Variants in STAU1 observed in about 807,000 individuals in gnomAD.
The protein encoded by STAU1 is double-stranded RNA-binding protein Staufen homolog 1.
Under a neutral mutation model 62.9 loss-of-function variants are expected in STAU1, and 13 were observed. The ratio of observed to expected loss-of-function variants is 0.21; its 90% CI spans 0.13 to 0.33. The LOEUF is 0.33. Ranked by LOEUF, STAU1 falls within the 10% of genes least tolerant of loss-of-function variation. The probability of loss-of-function intolerance (pLI) is 1.00; values close to 1 mark genes in which losing one functional copy is unlikely to be tolerated. For missense variants in STAU1, 571 were observed against 712.1 expected (o/e 0.80, Z 2.25); for synonymous variants, 269 against 265.1 (o/e 1.01, Z -0.14).
intron 1 of STAU1, among the ~76,000 whole-genome samples, chr20:49,182,719 G>T (rs2093740411): frequency 6.6e-6 from 1 of 151,830 alleles, no homozygotes; most frequent in Non-Finnish European, 1.5e-5. Context: ...GGCACCTGTA[G>T]TCCCAGCTAC....
the STAU1 span, chr20:49,219,251 C>T: frequency 6.5e-6 from 8 of 1,227,364 alleles, no homozygotes; most frequent in Non-Finnish European, 8.9e-6. Flanking sequence ...AAGCTCCGCC[C>T]CTTGATGGCG....
At chr20:49,123,750 C>T (rs1421095196) in intron 7 of STAU1, among the ~76,000 whole-genome samples, 1 of 152,050 alleles carries the variant, frequency 6.6e-6, no homozygotes, top group Non-Finnish European at 1.5e-5. Context: ...GACTTCCAGG[C>T]TATATTAAGC....
At chr20:49,177,301 C>T (rs910336441) in intron 1 of STAU1, among the ~76,000 whole-genome samples, 1 of 151,840 alleles carries the variant, frequency 6.6e-6, no homozygotes, top group Non-Finnish European at 1.5e-5. Context: ...TTTGGGAGGC[C>T]GAGGCAGGTG....
intron 1 of STAU1, among the ~76,000 whole-genome samples, chr20:49,184,789 G>GT (rs2093768106): frequency 6.6e-6 from 1 of 152,122 alleles, no homozygotes; most frequent in South Asian, 2.1e-4. Flanking sequence ...TTTAAGAGGT[G>GT]TATCTTTCCC....
At chr20:49,217,965 C>T in the STAU1 span, among the ~76,000 whole-genome samples, 1 of 151,484 alleles carries the variant, frequency 6.6e-6, no homozygotes, top group Admixed American at 6.6e-5. Context: ...CTTCCGCCTC[C>T]TGGGTTCAAG....
At chr20:49,126,400 A>G (rs190986808) in intron 6 of STAU1, among the ~76,000 whole-genome samples, 33 of 151,440 alleles carry the variant, frequency 2.2e-4, no homozygotes, top group Non-Finnish European at 3.4e-4. Context: ...TGACTCTACA[A>G]AAATAAAAAC....
intron 1 of STAU1, among the ~76,000 whole-genome samples, chr20:49,178,465 T>C (rs531675764): frequency 2.0e-5 from 3 of 151,856 alleles, no homozygotes; most frequent in Non-Finnish European, 4.4e-5. Context: ...AATACAAAAA[T>C]TAGGCCGGCG....
At chr20:49,184,903 T>C (rs2093769403) in intron 1 of STAU1, among the ~76,000 whole-genome samples, 2 of 152,204 alleles carry the variant, frequency 1.3e-5, no homozygotes, top group Admixed American at 1.3e-4. Context: ...ACCTAAAAGC[T>C]GAAAACTATT....
the STAU1 span, among the ~76,000 whole-genome samples, chr20:49,217,691 A>G: frequency 1.4e-5 from 2 of 144,524 alleles, no homozygotes; most frequent in Admixed American, 7.0e-5. Flanking sequence ...ATATATATAT[A>G]TATTTTTAGG....
At chr20:49,118,537 C>T in intron 9 of STAU1, 129 bp from the exon 10 acceptor site, 1 of 695,556 alleles carries the variant, frequency 1.4e-6, no homozygotes, top group Non-Finnish European at 2.4e-6. Context: ...AAAAACCCTG[C>T]CCCACCTGAC....
chr20:49,119,174 G>A (rs552644351), intron 9 of STAU1, among the ~76,000 whole-genome samples: 6 of 152,240 alleles, frequency 3.9e-5, no homozygotes, highest in African/African-American at 7.2e-5. Context: ...TGGCAGACAC[G>A]AATTTTTCTT....
intron 3 of STAU1, among the ~76,000 whole-genome samples, chr20:49,160,966 G>A (rs1334176107): frequency 1.3e-5 from 2 of 152,122 alleles, no homozygotes; most frequent in Admixed American, 6.6e-5. Context: ...TCAATCACAG[G>A]TGCTTGAGAA....
At chr20:49,164,847 C>A (rs2146376926) in intron 3 of STAU1, among the ~76,000 whole-genome samples, 1 of 152,240 alleles carries the variant, frequency 6.6e-6, no homozygotes, top group Admixed American at 6.5e-5. Flanking sequence ...ATTATGATTT[C>A]TAAACTACTT....
At chr20:49,205,516 C>T in the STAU1 span, among the ~76,000 whole-genome samples, 2 of 151,944 alleles carry the variant, frequency 1.3e-5, no homozygotes, top group East Asian at 3.9e-4. Flanking sequence ...CAGGCACGCA[C>T]CTCCATGCCC....
At chr20:49,132,421 C>G (rs1200284180) in intron 6 of STAU1, among the ~76,000 whole-genome samples, 1 of 152,164 alleles carries the variant, frequency 6.6e-6, no homozygotes, top group Non-Finnish European at 1.5e-5. Context: ...TGACCGTATC[C>G]ATCAGCACCA....
rs533628560 is a variant in STAU1, at chr20:49,173,896, T to C, written c.-85+299A>G. On this transcript the variant is annotated intron_variant, in intron 2 of 13. Transcript: ENST00000371856. ...AAGGGTTTTTTTAAAAAAAGCAAAC[T>C]ACAAAAGATACTATGACCAAGAAGC... Among the ~76,000 whole-genome samples, 6 of 152,266 alleles carry C rather than the reference T, an allele frequency of 3.9e-5. No individual in the cohort carries two copies. In the South Asian group the frequency reaches 1.2e-3, roughly 32 times the overall value.
chr20:49,170,214 T>C (rs1235357301), intron 2 of STAU1, among the ~76,000 whole-genome samples: 1 of 152,268 alleles, frequency 6.6e-6, no homozygotes, highest in African/African-American at 2.4e-5. Context: ...CAGACCCTTC[T>C]AGAAATGGTT....
intron 5 of STAU1, among the ~76,000 whole-genome samples, chr20:49,149,232 CAG>C (rs2093191197): frequency 7.0e-6 from 1 of 143,004 alleles, no homozygotes; most frequent in Admixed American, 7.2e-5. Flanking sequence ...GCCTGGGTGA[CAG>C]GGAGAGACTG....
At chr20:49,189,753 T>C (rs1307340295), upstream of STAU1, among the ~76,000 whole-genome samples, 1 of 151,896 alleles carries the variant, frequency 6.6e-6, no homozygotes, top group African/African-American at 2.4e-5. Flanking sequence ...TCTCTCCCGC[T>C]CACTCTGGGA....
Sources: allele counts gnomAD v4.1 joint callset (sites outside exome capture counted in the v4.1 genomes callset), GRCh38; gene constraint gnomAD v4.1.1; transcripts MANE v1.5; gene names NCBI Gene and HGNC (gene_info 2026-07-23, HGNC 2026-07-21).